Variants in EVI5 observed in about 807,000 individuals in gnomAD.
EVI5 encodes the protein ecotropic viral integration site 5 protein homolog.
A neutral mutation model predicts 112.0 loss-of-function variants in EVI5; 73 were observed. That is an observed-to-expected ratio of 0.65 (90% confidence interval 0.54 to 0.79). The LOEUF (loss-of-function observed/expected upper bound fraction) is 0.79. Among genes scored for constraint, EVI5 ranks in the 30% least tolerant of loss-of-function variants. The pLI, the probability that EVI5 is intolerant of heterozygous loss-of-function variation, is 0.00. For missense variants in EVI5, 900 were observed against 968.8 expected, an observed-to-expected ratio of 0.93 and a Z score of 0.94; for synonymous variants, 305 against 319.9, an observed-to-expected ratio of 0.95 and a Z score of 0.50.
At chr1:92,678,444 T>C (rs1215409935) in intron 9 of EVI5, among the ~76,000 whole-genome samples, 1 of 152,014 alleles carries the variant, frequency 6.6e-6, no homozygotes, top group Non-Finnish European at 1.5e-5. Context: ...GGTGGGAGGA[T>C]TGCTTGAGCC....
chr1:92,735,686 CAT>C (rs3042592), intron 2 of EVI5, among the ~76,000 whole-genome samples: 2 of 140,298 alleles, frequency 1.4e-5, no homozygotes, highest in Admixed American at 7.4e-5. Flanking sequence ...TTATATATAA[CAT>C]ATATATGATT....
In EVI5 at chr1:92,510,169, T is replaced by C. The variant is rs1659105523; in HGVS notation, c.*3487A>G. 6.6e-6 allele frequency: 1 copy of C among 152,226 alleles called. No individual in the cohort carries two copies. Among genetic ancestry groups the C allele is most frequent in the Non-Finnish European group, 1.5e-5 (1 of 68,038 alleles). The allele number at this position is 152,226 out of a possible 1,614,324, so 9.4% of individuals were successfully genotyped here. A position where few individuals can be genotyped will look rare whatever the true frequency, so the allele number is the denominator to read the frequency against. On this transcript the variant is annotated 3_prime_UTR_variant, in exon 20 of 20. Transcript: ENST00000684568. ...GATTAAGGTTTCCTTACCATGATTCTTTTAACACCTAATTCCTAATCAGAA... is the reference window on the plus strand; with the variant it reads ...GATTAAGGTTTCCTTACCATGATTCCTTTAACACCTAATTCCTAATCAGAA...
At chr1:92,589,001 C>T (rs1408712277) in intron 18 of EVI5, among the ~76,000 whole-genome samples, 1 of 152,220 alleles carries the variant, frequency 6.6e-6, no homozygotes, top group Non-Finnish European at 1.5e-5. Context: ...GAATTAACTA[C>T]AGTAGTGTGA....
At chr1:92,625,760 C>G (rs1427132028) in intron 15 of EVI5, 34 bp downstream of exon 15, 2 of 1,599,280 alleles carry the variant, frequency 1.3e-6, no homozygotes, top group Non-Finnish European at 1.7e-6. Context: ...GTTTTACTCT[C>G]TTTTAAAAAA....
chr1:92,670,972 AATG>A (rs1665779513), intron 10 of EVI5, among the ~76,000 whole-genome samples: 1 of 152,070 alleles, frequency 6.6e-6, no homozygotes, highest in South Asian at 2.1e-4. Flanking sequence ...CCCCATTCTT[AATG>A]ATAAATTTTT....
In EVI5 at chr1:92,702,157, C is replaced by A. The variant is rs763970215; in HGVS notation, c.623G>T (p.Gly208Val). The A allele has an allele frequency of 1.3e-6, 2 of 1,496,654 alleles. No individual in the cohort carries two copies. Among genetic ancestry groups the A allele is most frequent in the South Asian group, 2.6e-5 (2 of 78,288 alleles). The allele number at this position is 1,496,654 out of a possible 1,614,324, so 92.7% of individuals were successfully genotyped here. ...GYCQGSAFIV[G>V]LLLMQMPEEE... ...TTAACTTACCTGCATAAGCAACAATCCAACTATAAAAGCACTTCCTTGACA... is the reference window on the plus strand; with the variant it reads ...TTAACTTACCTGCATAAGCAACAATACAACTATAAAAGCACTTCCTTGACA... The change falls in exon 5 of 20, where the codon GGA becomes GTA. Residue 208 changes from glycine to valine, a missense_variant. By Grantham distance (109) the Gly-to-Val change is moderately radical. Coordinates refer to ENST00000684568, the MANE Select transcript of EVI5 (RefSeq NM_001350197.2).
chr1:92,651,510 T>G (rs545341016), intron 13 of EVI5, among the ~76,000 whole-genome samples: 3 of 152,306 alleles, frequency 2.0e-5, no homozygotes, highest in African/African-American at 7.2e-5. Flanking sequence ...AGGATAGCTA[T>G]TACTTAACAA....
chr1:92,561,282 CT>C (rs1668484448), intron 19 of EVI5, among the ~76,000 whole-genome samples: 1 of 151,900 alleles, frequency 6.6e-6, no homozygotes, highest in South Asian at 2.1e-4. Flanking sequence ...TGCAAATTTC[CT>C]TAATTCTATC....
rs61802396 is a variant in EVI5, at chr1:92,613,386, C to T, written c.1828-5659G>A. Among the ~76,000 whole-genome samples, 833 of 152,226 alleles carry T rather than the reference C, an allele frequency of 5.5e-3. 4 individuals carry two copies. The highest frequency in any genetic ancestry group is 8.1e-3 in the Non-Finnish European group (548 of 68,002). On this transcript the variant is annotated intron_variant, in intron 16 of 19. Transcript: ENST00000684568. ...CGACCTTGGCTCACTGCAACCTCTG[C>T]CTCCCAGGTTCAAGTGATTCTCCTC...
At chr1:92,558,017 C>T (rs2100833647) in intron 19 of EVI5, among the ~76,000 whole-genome samples, 2 of 152,314 alleles carry the variant, frequency 1.3e-5, no homozygotes, top group South Asian at 4.1e-4. Context: ...GGATTATAGG[C>T]ATGGGCCTCC....
chr1:92,783,406 C>A (rs1160854403), intron 1 of EVI5, among the ~76,000 whole-genome samples: 1 of 145,062 alleles, frequency 6.9e-6, no homozygotes, highest in African/African-American at 2.6e-5. Flanking sequence ...TGGTGATGTA[C>A]GCCTGTAATC....
chr1:92,545,909 C>T (rs762825747), intron 19 of EVI5, among the ~76,000 whole-genome samples: 13 of 151,890 alleles, frequency 8.6e-5, no homozygotes, highest in Non-Finnish European at 1.8e-4. Flanking sequence ...GAAATATCCT[C>T]TATTCTCCTT....
chr1:92,748,908 A>G (rs1177282786), intron 1 of EVI5, among the ~76,000 whole-genome samples: 1 of 152,090 alleles, frequency 6.6e-6, no homozygotes, highest in Middle Eastern at 3.2e-3. Context: ...TCTACTAAAA[A>G]TACAAAAATT....
At chr1:92,589,722 C>G (rs1445210063) in intron 18 of EVI5, among the ~76,000 whole-genome samples, 2 of 152,192 alleles carry the variant, frequency 1.3e-5, no homozygotes, top group East Asian at 3.9e-4. Context: ...CAGCAGAAAC[C>G]TCCGCAGACT....
chr1:92,634,640 C>G (rs573359643), intron 14 of EVI5, among the ~76,000 whole-genome samples: 2 of 152,122 alleles, frequency 1.3e-5, no homozygotes, highest in Non-Finnish European at 2.9e-5. Context: ...TCCTTTAGCT[C>G]GGAGTAGTTT....
chr1:92,702,059 A>C, intron 5 of EVI5, 82 bp downstream of exon 5: 1 of 689,132 alleles, frequency 1.5e-6, no homozygotes, highest in South Asian at 1.8e-5. Context: ...CTTACATTTA[A>C]TAAAACAAAG....
At chr1:92,535,809 G>A (rs902504033) in intron 19 of EVI5, among the ~76,000 whole-genome samples, 11 of 152,038 alleles carry the variant, frequency 7.2e-5, no homozygotes, top group Non-Finnish European at 2.9e-5. Context: ...ACCTAATGTA[G>A]ATGACGGGTT....
chr1:92,615,082 A>G (rs992699670), intron 16 of EVI5, among the ~76,000 whole-genome samples: 1 of 152,020 alleles, frequency 6.6e-6, no homozygotes, highest in Non-Finnish European at 1.5e-5. Context: ...TTCTAACAGT[A>G]TGGAGCACAC....
intron 1 of EVI5, among the ~76,000 whole-genome samples, chr1:92,792,099 T>C (rs1686144136): frequency 6.6e-6 from 1 of 152,222 alleles, no homozygotes; most frequent in Non-Finnish European, 1.5e-5. Context: ...ATTACTAAAA[T>C]ACCTTTCTTG....
Sources: gnomAD v4.1 joint callset for allele counts (sites outside exome capture counted in the v4.1 genomes callset) on GRCh38, gnomAD v4.1.1 for gene constraint, MANE v1.5 for transcripts, NCBI Gene and HGNC (gene_info 2026-07-23, HGNC 2026-07-21) for gene names.